Variants in RUNX1T1 observed in about 807,000 individuals in gnomAD.
RUNX1T1 encodes protein CBFA2T1.
In RUNX1T1, 4 loss-of-function variants were observed where a neutral mutation model predicts 62.8. The ratio of observed to expected loss-of-function variants is 0.06; its 90% CI spans 0.03 to 0.15. RUNX1T1 has a LOEUF of 0.15. RUNX1T1 is among the 10% of genes least tolerant of loss of function. The pLI, the probability that RUNX1T1 is intolerant of heterozygous loss-of-function variation, is 1.00. For synonymous variants in RUNX1T1, 291 were observed against 286.0 expected, an observed-to-expected ratio of 1.02 and a Z score of -0.18; for missense variants, 508 against 754.3, an observed-to-expected ratio of 0.67 and a Z score of 3.82.
At chr8:92,095,385 G>A (rs1398291835) in intron 1 of RUNX1T1, 2 of 1,535,542 alleles carry the variant, frequency 1.3e-6, no homozygotes, top group Non-Finnish European at 1.7e-6. Context: ...CCGCGGCCGA[G>A]GCGGCACCCA....
chr8:91,960,556 A>G, intron 10 of RUNX1T1, 39 bp from the exon 12 acceptor site: 1 of 1,598,438 alleles, frequency 6.3e-7, no homozygotes, highest in Non-Finnish European at 8.6e-7. Context: ...TCCCAAGTTA[A>G]TACACTGTTA....
chr8:92,094,776 G>T (rs146286149), intron 1 of RUNX1T1, among the ~76,000 whole-genome samples: 1 of 152,260 alleles, frequency 6.6e-6, no homozygotes, highest in East Asian at 1.9e-4. Context: ...GAGGAAATAA[G>T]ACATTTTAAG....
At chr8:92,021,212 T>C (rs1471680954) in intron 1 of RUNX1T1, among the ~76,000 whole-genome samples, 2 of 152,162 alleles carry the variant, frequency 1.3e-5, no homozygotes, top group Non-Finnish European at 2.9e-5. Context: ...GAAATGCAAG[T>C]CCTGTAACAG....
chr8:91,973,049 TTG>T (rs1290428009), intron 9 of RUNX1T1, among the ~76,000 whole-genome samples: 2 of 151,996 alleles, frequency 1.3e-5, no homozygotes, highest in African/African-American at 4.8e-5. Context: ...TGTTATTATA[TTG>T]TGTTATTGGG....
chr8:91,983,932 C>T (rs186122527), intron 8 of RUNX1T1, among the ~76,000 whole-genome samples: 23 of 151,532 alleles, frequency 1.5e-4, no homozygotes, highest in African/African-American at 5.1e-4. Context: ...CTAAAACTTG[C>T]ACACTGCAGA....
chr8:91,962,230 G>T (rs1038627395), intron 10 of RUNX1T1, among the ~76,000 whole-genome samples: 1 of 152,130 alleles, frequency 6.6e-6, no homozygotes, highest in Non-Finnish European at 1.5e-5. Context: ...TTAACCATCA[G>T]ACATTGCTAT....
At position 91,972,036 on chromosome 8, in the gene RUNX1T1, ACT is replaced by A. The variant is rs971035421; in HGVS notation, c.1268-1190_1268-1189del. Among the ~76,000 whole-genome samples the A allele has an allele frequency of 2.2e-4, 33 of 152,134 alleles. 1 individual carries two copies. The highest frequency in any genetic ancestry group is 2.0e-3 in the Admixed American group (30 of 15,274). ...CTTGGCAAACCTAGTACCAATTAACACTCTATTAAAACTAATTATGACATGTT... is the reference window on the plus strand; with the variant it reads ...CTTGGCAAACCTAGTACCAATTAACACTATTAAAACTAATTATGACATGTT... On this transcript the variant is annotated intron_variant, in intron 9 of 10. Transcript: ENST00000396218.
At chr8:92,044,308 G>A (rs1434477346) in intron 1 of RUNX1T1, among the ~76,000 whole-genome samples, 2 of 152,220 alleles carry the variant, frequency 1.3e-5, no homozygotes, top group Admixed American at 6.5e-5. Flanking sequence ...TAAACAAGCT[G>A]TAACTGACAG....
downstream of RUNX1T1, chr8:91,956,129 G>A (rs1809341880): frequency 4.3e-6 from 1 of 230,066 alleles, no homozygotes; most frequent in Non-Finnish European, 8.6e-6. Context: ...TCTGAGCAGA[G>A]TGATCCAGAT....
chr8:92,016,971 C>G (rs75343380), intron 2 of RUNX1T1, among the ~76,000 whole-genome samples: 4,990 of 152,186 alleles, frequency 0.033, 284 homozygotes, highest in African/African-American at 0.11. Context: ...GCTTCATTTG[C>G]TAAAATCATA....
At chr8:92,056,455 C>T (rs951439100) in intron 1 of RUNX1T1, among the ~76,000 whole-genome samples, 2 of 152,108 alleles carry the variant, frequency 1.3e-5, no homozygotes, top group African/African-American at 4.8e-5. Context: ...GTGTCAAGTA[C>T]TCTGTATAAT....
intron 1 of RUNX1T1, among the ~76,000 whole-genome samples, chr8:92,035,142 A>G (rs1236919454): frequency 1.3e-5 from 2 of 152,022 alleles, no homozygotes; most frequent in Non-Finnish European, 2.9e-5. Context: ...TAAAAGTATA[A>G]AAATTAGCTG....
At chr8:92,035,303 A>C (rs1827204703) in intron 1 of RUNX1T1, among the ~76,000 whole-genome samples, 1 of 151,680 alleles carries the variant, frequency 6.6e-6, no homozygotes, top group Non-Finnish European at 1.5e-5. Flanking sequence ...TTCAAAAAAA[A>C]AAAAAAATAA....
upstream of RUNX1T1, among the ~76,000 whole-genome samples, chr8:92,066,993 C>T (rs1335212917): frequency 6.6e-6 from 1 of 152,220 alleles, no homozygotes; most frequent in Non-Finnish European, 1.5e-5. Context: ...CAAGCATTTG[C>T]ACCTCCTCAA....
intron 1 of RUNX1T1, among the ~76,000 whole-genome samples, chr8:92,085,439 C>A (rs1026679971): frequency 2.6e-5 from 4 of 152,202 alleles, no homozygotes; most frequent in African/African-American, 9.6e-5. Flanking sequence ...TACAGACATT[C>A]TTCTGCTCCT....
chr8:91,969,648 T>C (rs958599277), intron 10 of RUNX1T1, among the ~76,000 whole-genome samples: 2 of 152,172 alleles, frequency 1.3e-5, no homozygotes, highest in Non-Finnish European at 2.9e-5. Context: ...GAAAATCAAT[T>C]CCTTTTGTCC....
upstream of RUNX1T1, among the ~76,000 whole-genome samples, chr8:92,067,336 C>G (rs1008261900): frequency 6.6e-6 from 1 of 152,190 alleles, no homozygotes; most frequent in Non-Finnish European, 1.5e-5. Context: ...TTTAGAAATC[C>G]TCATCTACCA....
At chr8:92,103,151 A>C (rs943063890), upstream of RUNX1T1, 5 of 377,006 alleles carry the variant, frequency 1.3e-5, no homozygotes, top group Non-Finnish European at 2.3e-5. Flanking sequence ...AGACTTGCGG[A>C]GCTCTGCTCC....
At chr8:92,038,935 C>T (rs1043822844) in intron 1 of RUNX1T1, among the ~76,000 whole-genome samples, 3 of 151,976 alleles carry the variant, frequency 2.0e-5, no homozygotes, top group Admixed American at 6.6e-5. Flanking sequence ...TTGCTGGAGT[C>T]TCTCTCATCC....
Sources: gnomAD v4.1 joint callset for allele counts (sites outside exome capture counted in the v4.1 genomes callset) on GRCh38, gnomAD v4.1.1 for gene constraint, MANE v1.5 for transcripts, NCBI Gene and HGNC (gene_info 2026-07-23, HGNC 2026-07-21) for gene names.